PCDH15: variants seen among roughly 807,000 people sequenced by gnomAD.
PCDH15 encodes the protein protocadherin related 15, also known as protocadherin-15.
Under a neutral mutation model 178.5 loss-of-function variants are expected in PCDH15, and 129 were observed. The ratio of observed to expected loss-of-function variants is 0.72; its 90% CI spans 0.63 to 0.84. PCDH15 has a LOEUF of 0.84. Among genes scored for constraint, PCDH15 ranks in the 40% least tolerant of loss-of-function variants. The pLI is 0.00. For missense variants in PCDH15, 2,230 were observed against 2,099.9 expected (o/e 1.06, Z -1.21); for synonymous variants, 800 against 732.0 (o/e 1.09, Z -1.50).
chr10:55,258,272 T>C (rs1842055310), intron 1 of PCDH15, among the ~76,000 whole-genome samples: 1 of 152,154 alleles, frequency 6.6e-6, no homozygotes, highest in East Asian at 1.9e-4. Flanking sequence ...ATTAATTAGT[T>C]TTTGAATGAC....
At chr10:54,870,222 G>T (rs554116196) in intron 3 of PCDH15, among the ~76,000 whole-genome samples, 1 of 152,122 alleles carries the variant, frequency 6.6e-6, no homozygotes, top group East Asian at 1.9e-4. Context: ...AACATGCCTA[G>T]TAATCAATTG....
Position 55,308,525 on chromosome 10 carries a change from A to G in PCDH15, c.-156+11074T>C, listed in dbSNP as rs138556070. ...AGTGCCTTACCTATAAGCACATTCTATCTGAAATCATTTTCTAATACAGAG... is the reference window on the plus strand; with the variant it reads ...AGTGCCTTACCTATAAGCACATTCTGTCTGAAATCATTTTCTAATACAGAG... On this transcript the variant is annotated intron_variant, in intron 1 of 5. Coordinates refer to the PCDH15 transcript ENST00000458638. 5.1e-3 allele frequency among the ~76,000 whole-genome samples: 773 copies of G among 152,308 alleles called. 4 individuals are homozygous for G. Among genetic ancestry groups the G allele is most frequent in the African/African-American group, 0.017 (718 of 41,572 alleles).
chr10:55,222,710 T>TACACACACACAGACACACACAC (rs1554842351), intron 1 of PCDH15, among the ~76,000 whole-genome samples: 162 of 42,120 alleles, frequency 3.8e-3, no homozygotes, highest in South Asian at 0.01. Flanking sequence ...TATATCTTTA[T>TACACACACACAGACACACACAC]ACACACACAC....
In PCDH15 at chr10:54,394,427, G is replaced by C. The variant is rs890210389; in HGVS notation, c.158-15485C>G. On this transcript the variant is annotated intron_variant, in intron 3 of 37. Coordinates refer to ENST00000644397, the MANE Select transcript of PCDH15 (RefSeq NM_001384140.1). Reference sequence around the variant, plus strand: ...CAGGGGAGACATCACATGTCGGTACGTTCCGTGATGCCCCACAAGCCACAA... The same window carrying C: ...CAGGGGAGACATCACATGTCGGTACCTTCCGTGATGCCCCACAAGCCACAA... 2.0e-5 allele frequency among the ~76,000 whole-genome samples: 3 copies of C among 152,178 alleles called. No homozygotes were observed. In the East Asian group the frequency reaches 5.8e-4, roughly 30 times the overall value.
At chr10:55,599,036 T>C (rs4394744) in intron 2 of PCDH15, among the ~76,000 whole-genome samples, 49,434 of 151,974 alleles carry the variant, frequency 0.33, 8,512 homozygotes, top group African/African-American at 0.44. Flanking sequence ...AAATTACTTA[T>C]TCTGGTGCAA....
At position 53,806,446 on chromosome 10, in the gene PCDH15, A is replaced by AAAGCATATTGTTCAAAGTTTT. The variant is rs1841161927; in HGVS notation, c.*112_*132dup. ...GTGCAAATCTGTCTCTTAAAATTTT[A>AAAGCATATTGTTCAAAGTTTT]AAGCATATTGTTCAAAGTTTTAGCT... On this transcript the variant is annotated 3_prime_UTR_variant, in exon 38 of 38. Coordinates refer to ENST00000644397, the MANE Select transcript of PCDH15 (RefSeq NM_001384140.1). The AAAGCATATTGTTCAAAGTTTT allele has an allele frequency of 9.1e-6, 7 of 765,996 alleles. No individual in the cohort carries two copies. In the East Asian group the frequency reaches 1.9e-4, roughly 21 times the overall value. 47.4% of individuals were successfully genotyped at this position (765,996 alleles called of 1,614,324 possible).
intron 2 of PCDH15, among the ~76,000 whole-genome samples, chr10:54,957,643 C>T (rs996525379): frequency 6.6e-6 from 1 of 151,254 alleles, no homozygotes; most frequent in Non-Finnish European, 1.5e-5. Flanking sequence ...GGTGGTAGAT[C>T]TCTCCATAGC....
intron 22 of PCDH15, among the ~76,000 whole-genome samples, chr10:53,961,055 A>G (rs2088251185): frequency 6.6e-6 from 1 of 152,186 alleles, no homozygotes; most frequent in African/African-American, 2.4e-5. Context: ...TTAGTATTTG[A>G]AGAAAAGTAA....
At chr10:54,019,274 T>C (rs1051181269) in intron 20 of PCDH15, among the ~76,000 whole-genome samples, 1 of 152,142 alleles carries the variant, frequency 6.6e-6, no homozygotes, top group Non-Finnish European at 1.5e-5. Flanking sequence ...GAAATTATTG[T>C]CATGTAAAGT....
At chr10:54,519,749 C>T (rs923821390) in intron 3 of PCDH15, among the ~76,000 whole-genome samples, 7 of 152,044 alleles carry the variant, frequency 4.6e-5, no homozygotes, top group South Asian at 2.1e-4. Context: ...GAGCCCGCAT[C>T]ACCAAGTCAA....
At chr10:55,178,368 T>G (rs1839552485) in intron 1 of PCDH15, among the ~76,000 whole-genome samples, 2 of 152,120 alleles carry the variant, frequency 1.3e-5, no homozygotes, top group South Asian at 4.1e-4. Flanking sequence ...GGAAATAGAA[T>G]GGGCCACCTC....
chr10:55,126,472 AG>A, intron 2 of PCDH15, among the ~76,000 whole-genome samples: 1 of 152,224 alleles, frequency 6.6e-6, no homozygotes, highest in South Asian at 2.1e-4. Context: ...TGGTCTCAAT[AG>A]GGGTGAAAAT....
chr10:54,197,897 C>T (rs979565255), intron 10 of PCDH15, among the ~76,000 whole-genome samples: 12 of 152,016 alleles, frequency 7.9e-5, no homozygotes, highest in African/African-American at 2.9e-4. Flanking sequence ...TCATATAATG[C>T]ATTGATTAAA....
chr10:54,484,574 A>G (rs940399761), intron 3 of PCDH15, among the ~76,000 whole-genome samples: 1 of 151,958 alleles, frequency 6.6e-6, no homozygotes, highest in Non-Finnish European at 1.5e-5. Flanking sequence ...ATAGGAGTGA[A>G]TAGTAGCTAT....
chr10:55,414,416 A>G (rs1185249169), intron 2 of PCDH15, among the ~76,000 whole-genome samples: 5 of 151,650 alleles, frequency 3.3e-5, no homozygotes. Context: ...TGCCACTGAA[A>G]TTTTGAAAGG....
chr10:54,268,169 A>T (rs975174915), intron 8 of PCDH15, among the ~76,000 whole-genome samples: 1 of 151,852 alleles, frequency 6.6e-6, no homozygotes, highest in Non-Finnish European at 1.5e-5. Flanking sequence ...ATAAAAATGC[A>T]ATAGGGAAAG....
At chr10:54,410,980 T>C (rs1953406242) in intron 3 of PCDH15, among the ~76,000 whole-genome samples, 1 of 152,134 alleles carries the variant, frequency 6.6e-6, no homozygotes, top group Non-Finnish European at 1.5e-5. Context: ...CTCTACAATA[T>C]TACTGGTAGA....
At chr10:55,568,068 G>T (rs895744992) in intron 2 of PCDH15, among the ~76,000 whole-genome samples, 1 of 151,840 alleles carries the variant, frequency 6.6e-6, no homozygotes, top group African/African-American at 2.4e-5. Context: ...TCCATTTCTA[G>T]GTATGTACCC....
intron 3 of PCDH15, among the ~76,000 whole-genome samples, chr10:54,379,154 G>A (rs981846903): frequency 7.2e-5 from 11 of 152,060 alleles, no homozygotes; most frequent in African/African-American, 2.4e-4. Context: ...GTGGAAGGCA[G>A]AGATACAGAC....
Sources: allele counts gnomAD v4.1 joint callset (sites outside exome capture counted in the v4.1 genomes callset), GRCh38; gene constraint gnomAD v4.1.1; transcripts MANE v1.5; gene names NCBI Gene and HGNC (gene_info 2026-07-23, HGNC 2026-07-21).